CNTN4: variants seen among roughly 807,000 people sequenced by gnomAD.
CNTN4 encodes the protein contactin-4.
Under a neutral mutation model 122.5 loss-of-function variants are expected in CNTN4, and 77 were observed. The observed-to-expected ratio is 0.63, with a 90% CI of 0.52 to 0.76. CNTN4 has a LOEUF of 0.76. Among genes scored for constraint, CNTN4 ranks in the 30% least tolerant of loss-of-function variants. CNTN4 has a pLI of 0.00. For missense variants in CNTN4, 1,256 were observed against 1,259.1 expected (o/e 1.00, Z 0.04); for synonymous variants, 512 against 447.0 (o/e 1.15, Z -1.83).
intron 4 of CNTN4, among the ~76,000 whole-genome samples, chr3:2,638,488 T>G (rs1397431236): frequency 1.3e-5 from 2 of 151,802 alleles, no homozygotes; most frequent in African/African-American, 4.9e-5. Context: ...GAAGAAACAT[T>G]TATCTTTTTT....
At chr3:2,568,482 A>T (rs756445013) in intron 3 of CNTN4, among the ~76,000 whole-genome samples, 4 of 152,158 alleles carry the variant, frequency 2.6e-5, no homozygotes, top group Non-Finnish European at 5.9e-5. Flanking sequence ...TGCTGAGTAC[A>T]CTACCTTTGC....
chr3:2,655,833 GT>G lies in CNTN4; in HGVS notation c.56-80378del, dbSNP rs552073726. Among the ~76,000 whole-genome samples the G allele has an allele frequency of 9.9e-5, 15 of 152,236 alleles. 2 individuals are homozygous for G. In the South Asian group the frequency reaches 3.1e-3, roughly 32 times the overall value. ...AAATCACTGCGGGATTACCAAGACT[GT>G]TTTGACTTTCTTTCAGGATAATCCC... On this transcript the variant is annotated intron_variant, in intron 4 of 24. Coordinates refer to ENST00000418658, the MANE Select transcript of CNTN4 (RefSeq NM_175607.3).
chr3:2,814,298 T>C (rs775580377), intron 6 of CNTN4, among the ~76,000 whole-genome samples: 7 of 152,242 alleles, frequency 4.6e-5, no homozygotes, highest in Non-Finnish European at 7.3e-5. Context: ...CGGATGTTAA[T>C]TCCTTGTTTT....
chr3:2,876,050 T>A (rs575655982), intron 8 of CNTN4, among the ~76,000 whole-genome samples: 1 of 152,314 alleles, frequency 6.6e-6, no homozygotes, highest in East Asian at 1.9e-4. Flanking sequence ...AGGAAGGTGG[T>A]GCAGGTTTGA....
chr3:2,618,651 AAGTC>A (rs375249537), intron 4 of CNTN4, among the ~76,000 whole-genome samples: 6 of 152,284 alleles, frequency 3.9e-5, no homozygotes, highest in African/African-American at 1.4e-4. Flanking sequence ...TTAACACAGA[AAGTC>A]AGGCTCTGGA....
At chr3:2,658,966 A>AC (rs2150265291) in intron 4 of CNTN4, among the ~76,000 whole-genome samples, 1 of 3,610 alleles carries the variant, frequency 2.8e-4, no homozygotes, top group Non-Finnish European at 5.1e-4. Context: ...ACACAAACAG[A>AC]CACACACACA....
chr3:2,189,954 A>C (rs1345250999), intron 2 of CNTN4, among the ~76,000 whole-genome samples: 1 of 152,174 alleles, frequency 6.6e-6, no homozygotes, highest in African/African-American at 2.4e-5. Flanking sequence ...TTGTGACACA[A>C]AGGCTTGGAC....
chr3:2,785,895 G>GCCCCCCCCCCCCCCCCCCCCCCC (rs149802098), intron 6 of CNTN4, among the ~76,000 whole-genome samples: 17 of 81,666 alleles, frequency 2.1e-4, no homozygotes, highest in African/African-American at 4.3e-4. Context: ...GGCCCACGCT[G>GCCCCCCCCCCCCCCCCCCCCCCC]CCCCCCCCCG....
At chr3:2,683,326 GTACA>G (rs2085261714) in intron 4 of CNTN4, among the ~76,000 whole-genome samples, 2 of 116,070 alleles carry the variant, frequency 1.7e-5, no homozygotes, top group Non-Finnish European at 3.3e-5. Flanking sequence ...CTGCACACAT[GTACA>G]CACACACACA....
chr3:2,974,103 A>C (rs1032823988), intron 13 of CNTN4, among the ~76,000 whole-genome samples: 2 of 152,224 alleles, frequency 1.3e-5, no homozygotes, highest in Non-Finnish European at 2.9e-5. Flanking sequence ...TGAAATCCTG[A>C]GTAATCCCTC....
intron 15 of CNTN4, among the ~76,000 whole-genome samples, chr3:3,029,460 G>A (rs992220171): frequency 6.6e-6 from 1 of 152,184 alleles, no homozygotes; most frequent in Non-Finnish European, 1.5e-5. Flanking sequence ...ATCAGCCCAA[G>A]ACAACTAAGC....
chr3:2,207,598 TAGAG>T (rs1406466099), intron 2 of CNTN4, among the ~76,000 whole-genome samples: 2 of 152,046 alleles, frequency 1.3e-5, no homozygotes, highest in African/African-American at 4.8e-5. Context: ...TATGTGAAGA[TAGAG>T]AGGTAAGGAA....
chr3:2,481,067 T>TTCTTTCTTTCTTTCTTTCTC (rs1559592822), intron 3 of CNTN4, among the ~76,000 whole-genome samples: 7 of 144,122 alleles, frequency 4.9e-5, no homozygotes, highest in African/African-American at 1.6e-4. Flanking sequence ...CTTTCTCTCT[T>TTCTTTCTTTCTTTCTTTCTC]TCTCTCTTTC....
chr3:2,689,906 C>A (rs1360370039), intron 4 of CNTN4, among the ~76,000 whole-genome samples: 1 of 151,976 alleles, frequency 6.6e-6, no homozygotes, highest in Non-Finnish European at 1.5e-5. Context: ...CCAGTCATAT[C>A]CTGTGAGGTA....
At chr3:2,441,447 A>G (rs528070838) in intron 3 of CNTN4, among the ~76,000 whole-genome samples, 1 of 152,324 alleles carries the variant, frequency 6.6e-6, no homozygotes, top group Admixed American at 6.5e-5. Context: ...TCTGTCCCCG[A>G]AAGAGACTCT....
At chr3:2,113,299 A>G (rs1405994968) in intron 2 of CNTN4, among the ~76,000 whole-genome samples, 2 of 152,188 alleles carry the variant, frequency 1.3e-5, no homozygotes, top group Non-Finnish European at 2.9e-5. Context: ...AAAAGCATGC[A>G]TTCTAGTTGG....
At chr3:2,433,637 T>G (rs2048156297) in intron 3 of CNTN4, among the ~76,000 whole-genome samples, 1 of 152,208 alleles carries the variant, frequency 6.6e-6, no homozygotes, top group Non-Finnish European at 1.5e-5. Flanking sequence ...CAGTCCCATT[T>G]CTTTATTTTT....
chr3:2,260,202 C>T (rs1575197117), intron 2 of CNTN4, among the ~76,000 whole-genome samples: 1 of 152,024 alleles, frequency 6.6e-6, no homozygotes, highest in African/African-American at 2.4e-5. Flanking sequence ...TTCTCAACTC[C>T]AGCCCATTGA....
intron 9 of CNTN4, 24 bp downstream of exon 9, chr3:2,883,271 C>T (rs1187095747): frequency 1.3e-6 from 2 of 1,530,434 alleles, no homozygotes; most frequent in Admixed American, 1.7e-5. Flanking sequence ...TGCGTTCCTT[C>T]TCATCCTCCC....
Sources: gnomAD v4.1 joint callset for allele counts (sites outside exome capture counted in the v4.1 genomes callset) on GRCh38, gnomAD v4.1.1 for gene constraint, MANE v1.5 for transcripts, NCBI Gene and HGNC (gene_info 2026-07-23, HGNC 2026-07-21) for gene names.